The following UBA5 variants were observed in gnomAD, a reference collection of about 807,000 sequenced individuals.
UBA5 encodes the protein ubiquitin-like modifier-activating enzyme 5.
Under a neutral mutation model 52.9 loss-of-function variants are expected in UBA5, and 28 were observed. That is an observed-to-expected ratio of 0.53 (90% CI 0.39 to 0.73). The LOEUF is 0.73. Among genes scored for constraint, UBA5 ranks in the 30% least tolerant of loss-of-function variants. UBA5 has a pLI of 0.00. For synonymous variants in UBA5, 135 were observed against 162.1 expected, an observed-to-expected ratio of 0.83 and a Z score of 1.27; for missense variants, 388 against 492.7, an observed-to-expected ratio of 0.79 and a Z score of 2.01.
Position 132,671,054 on chromosome 3 carries a change from G to C in UBA5, c.579+5G>C, listed in dbSNP as rs747735016. ...GCTCGAATGACAATAAATACAGTGA[G>C]TATTCCTGCTGTGCAAGATATATTC... is the stretch of plus-strand genomic sequence containing the variant. On this transcript the variant is annotated splice_donor_5th_base_variant and intron_variant, in intron 6 of 11. Coordinates refer to ENST00000356232, the MANE Select transcript of UBA5 (RefSeq NM_024818.6). 1.9e-6 allele frequency: 3 copies of C among 1,607,920 alleles called. No homozygotes were observed. The South Asian group carries it at 3.3e-5, about 18-fold the overall frequency.
intron 3 of UBA5, chr3:132,668,576 T>C (rs111531983): frequency 1.1e-5 from 3 of 262,352 alleles, no homozygotes; most frequent in Non-Finnish European, 2.2e-5. Context: ...TTTCACTTCA[T>C]ATTAGATGAG....
intron 8 of UBA5, among the ~76,000 whole-genome samples, chr3:132,673,902 C>G (rs532115437): frequency 6.6e-6 from 1 of 152,230 alleles, no homozygotes; most frequent in East Asian, 1.9e-4. Flanking sequence ...TGGGCTCGAG[C>G]AGTCTGCCCA....
chr3:132,671,253 TG>T (rs1938588206), intron 6 of UBA5, among the ~76,000 whole-genome samples: 1 of 152,200 alleles, frequency 6.6e-6, no homozygotes, highest in South Asian at 2.1e-4. Flanking sequence ...CTGTGACATG[TG>T]TTACAGTATC....
chr3:132,673,771 C>T (rs1938709473), intron 8 of UBA5, among the ~76,000 whole-genome samples: 1 of 151,746 alleles, frequency 6.6e-6, no homozygotes. Context: ...TTCAAGTGAT[C>T]CTCCTACCTC....
In UBA5 at chr3:132,678,645, T is replaced by C. The variant is rs908824779; in HGVS notation, c.*2119T>C. 6.6e-6 allele frequency among the ~76,000 whole-genome samples: 1 copy of C among 151,966 alleles called. No homozygotes were observed. Among genetic ancestry groups the C allele is most frequent in the African/African-American group, 2.4e-5 (1 of 41,358 alleles). ...AAAACGTAATGGCCACTTAAGAATA[T>C]TTATTTATTTATTTATTTTTTTGAG... On this transcript the variant is annotated 3_prime_UTR_variant, in exon 12 of 12. Coordinates refer to ENST00000356232, the MANE Select transcript of UBA5 (RefSeq NM_024818.6).
upstream of UBA5, among the ~76,000 whole-genome samples, chr3:132,655,721 C>T (rs1937756001): frequency 1.3e-5 from 2 of 152,178 alleles, 1 homozygote; most frequent in South Asian, 4.1e-4. Context: ...TCCTGTCTGT[C>T]TTCTACAAAT....
At chr3:132,655,950 G>T (rs1241479540), upstream of UBA5, among the ~76,000 whole-genome samples, 1 of 152,178 alleles carries the variant, frequency 6.6e-6, no homozygotes, top group Non-Finnish European at 1.5e-5. Flanking sequence ...GAGTATTTAT[G>T]AAATTGGTAA....
intron 8 of UBA5, among the ~76,000 whole-genome samples, chr3:132,674,005 G>A (rs763418982): frequency 7.2e-5 from 11 of 152,190 alleles, no homozygotes; most frequent in South Asian, 2.1e-4. Flanking sequence ...CTGAATTTAC[G>A]AAATATTTAC....
At position 132,678,469 on chromosome 3, in the gene UBA5, A is replaced by ATGAT. The variant is rs1178573854; in HGVS notation, c.*1944_*1947dup. Among the ~76,000 whole-genome samples, 4 of 152,212 alleles carry ATGAT rather than the reference A, an allele frequency of 2.6e-5. No homozygotes were observed. The highest frequency in any genetic ancestry group is 5.9e-5 in the Non-Finnish European group (4 of 68,036). On this transcript the variant is annotated 3_prime_UTR_variant, in exon 12 of 12. Coordinates refer to ENST00000356232, the MANE Select transcript of UBA5 (RefSeq NM_024818.6). ...AATTGGCTTAGCACAGAGACTCTAA[A>ATGAT]TGATAGTAAAACAACATATTCAACT...
chr3:132,676,940 C>T lies in UBA5; in HGVS notation c.*414C>T. On this transcript the variant is annotated 3_prime_UTR_variant, in exon 12 of 12. Transcript: ENST00000356232. This position sits in a 1 kb window ranked among gnomAD's most constrained non-coding sequence, Gnocchi z 4.1. ...ACAGGGAGAAGGACAAGGCATACAG[C>T]TTATTGATTAGAGCTGGCAAGCATC... The T allele has an allele frequency of 4.4e-6, 2 of 450,660 alleles. No homozygotes were observed. Among genetic ancestry groups the T allele is most frequent in the South Asian group, 3.2e-5 (2 of 63,412 alleles). The allele number at this position is 450,660 out of a possible 1,614,324, so 27.9% of individuals were successfully genotyped here. A position where few individuals can be genotyped will look rare whatever the true frequency, so the allele number is the denominator to read the frequency against.
At chr3:132,673,886 A>T (rs1286019940) in intron 8 of UBA5, among the ~76,000 whole-genome samples, 1 of 152,032 alleles carries the variant, frequency 6.6e-6, no homozygotes, top group African/African-American at 2.4e-5. Flanking sequence ...GCTGGTCTTG[A>T]ACTCCTGGGC....
rs952828869 is a variant in UBA5, at chr3:132,678,603, T to C, written c.*2077T>C. 2.6e-5 allele frequency among the ~76,000 whole-genome samples: 4 copies of C among 152,200 alleles called. No homozygotes were observed. The highest frequency in any genetic ancestry group is 6.5e-5 in the Admixed American group (1 of 15,280). On this transcript the variant is annotated 3_prime_UTR_variant, in exon 12 of 12. Coordinates refer to ENST00000356232, the MANE Select transcript of UBA5 (RefSeq NM_024818.6). ...CTCATAAAAATACTCCCTGGATACG[T>C]ACACTGAACAACACAAAAAACGTAA... is the stretch of plus-strand genomic sequence containing the variant.
upstream of UBA5, among the ~76,000 whole-genome samples, chr3:132,659,040 C>T (rs1937980771): frequency 6.6e-6 from 1 of 152,136 alleles, no homozygotes; most frequent in Non-Finnish European, 1.5e-5. Flanking sequence ...TATTGTAAAA[C>T]ATCAGACTAA....
At position 132,666,747 on chromosome 3, in the gene UBA5, G is replaced by T. The variant is rs374431822; in HGVS notation, c.297+674G>T. Among the ~76,000 whole-genome samples, 11 of 152,152 alleles carry T rather than the reference G, an allele frequency of 7.2e-5. No homozygotes were observed. The East Asian group carries it at 2.1e-3, about 29-fold the overall frequency. On this transcript the variant is annotated intron_variant, in intron 3 of 11. Coordinates refer to ENST00000356232, the MANE Select transcript of UBA5 (RefSeq NM_024818.6). Reference sequence around the variant, plus strand: ...GTCTACCCCAAATTCTTAAAAGAAGGTGATTTCAAAATTGGCACTCACTTA... The same window carrying T: ...GTCTACCCCAAATTCTTAAAAGAAGTTGATTTCAAAATTGGCACTCACTTA...
intron 5 of UBA5, 43 bp downstream of exon 5, chr3:132,670,327 A>C: frequency 1.3e-6 from 1 of 782,340 alleles, no homozygotes; most frequent in Non-Finnish European, 2.0e-6. Flanking sequence ...TGTCCAGCTC[A>C]AGTATTAGAA....
rs574870062 is a variant in UBA5, at chr3:132,678,625, G to GT, written c.*2100dup. Among the ~76,000 whole-genome samples the GT allele has an allele frequency of 6.9e-4, 105 of 152,100 alleles. No individual in the cohort carries two copies. The highest frequency in any genetic ancestry group is 1.4e-3 in the African/African-American group (58 of 41,482). On this transcript the variant is annotated 3_prime_UTR_variant, in exon 12 of 12. Transcript: ENST00000356232. ...ACGTACACTGAACAACACAAAAAAC[G>GT]TAATGGCCACTTAAGAATATTTATT... is the stretch of plus-strand genomic sequence containing the variant.
chr3:132,667,749 C>G (rs558560827), intron 3 of UBA5: 6 of 152,288 alleles, frequency 3.9e-5, no homozygotes, highest in African/African-American at 1.4e-4. Context: ...ACAATCAGAG[C>G]TAATTAGTGG....
chr3:132,660,309 G>C (rs1197302574), upstream of UBA5: 8 of 605,610 alleles, frequency 1.3e-5, no homozygotes, highest in Middle Eastern at 8.8e-4. The surrounding 1 kb of genome is among the most constrained non-coding windows in gnomAD (Gnocchi z 4.1). Context: ...TTTTTGATGA[G>C]GGGGAGCGAT....
intron 3 of UBA5, chr3:132,668,166 T>A: frequency 7.5e-6 from 1 of 132,718 alleles, no homozygotes; most frequent in East Asian, 2.4e-4. Flanking sequence ...TTAGTGTGTG[T>A]GTGTGTGTGT....
Sources: allele counts gnomAD v4.1 joint callset (sites outside exome capture counted in the v4.1 genomes callset), GRCh38; gene constraint gnomAD v4.1.1; non-coding constraint Gnocchi (gnomAD v3.1); transcripts MANE v1.5; gene names NCBI Gene and HGNC (gene_info 2026-07-23, HGNC 2026-07-21).